SGCZ: variants seen among roughly 807,000 people sequenced by gnomAD.
SGCZ encodes the protein sarcoglycan zeta, also known as zeta-sarcoglycan.
Under a neutral mutation model 41.3 loss-of-function variants are expected in SGCZ, and 40 were observed. That is an observed-to-expected ratio of 0.97 (90% CI 0.75 to 1.26). SGCZ has a LOEUF of 1.26. Among genes scored for constraint, SGCZ ranks in the 50% most tolerant of loss-of-function variants. The pLI is 0.00. For missense variants in SGCZ, 552 were observed against 369.8 expected (o/e 1.49, Z -4.04); for synonymous variants, 206 against 137.5 (o/e 1.50, Z -3.49).
At chr8:14,243,990 T>C (rs1798985348) in intron 3 of SGCZ, among the ~76,000 whole-genome samples, 1 of 152,224 alleles carries the variant, frequency 6.6e-6, no homozygotes, top group Non-Finnish European at 1.5e-5. Context: ...ATAGTTTGTG[T>C]CACGCTTGAC....
At chr8:14,264,788 C>T (rs192865948) in intron 3 of SGCZ, among the ~76,000 whole-genome samples, 2 of 152,092 alleles carry the variant, frequency 1.3e-5, no homozygotes, top group African/African-American at 2.4e-5. Flanking sequence ...GGTGAAACCC[C>T]GTCTCTACTA....
At chr8:15,164,142 C>T (rs1384992989) in intron 1 of SGCZ, among the ~76,000 whole-genome samples, 1 of 152,192 alleles carries the variant, frequency 6.6e-6, no homozygotes, top group Non-Finnish European at 1.5e-5. Flanking sequence ...TTTTCATGGC[C>T]ATGGGACAAA....
chr8:14,388,854 A>AATGAAGC (rs1804664229), intron 2 of SGCZ, among the ~76,000 whole-genome samples: 1 of 151,964 alleles, frequency 6.6e-6, no homozygotes, highest in Non-Finnish European at 1.5e-5. Context: ...AAAAAAAGAA[A>AATGAAGC]ATGAAGCACT....
intron 4 of SGCZ, among the ~76,000 whole-genome samples, chr8:14,201,361 G>C (rs1310590264): frequency 6.6e-6 from 1 of 152,030 alleles, no homozygotes. Context: ...CACCAAAAAA[G>C]ACTGAAAAAT....
intron 3 of SGCZ, among the ~76,000 whole-genome samples, chr8:14,301,337 T>A (rs1246857693): frequency 1.3e-5 from 2 of 151,816 alleles, no homozygotes; most frequent in East Asian, 3.9e-4. Flanking sequence ...TTGGAGTTTA[T>A]AATACAATTT....
rs534903757 is a variant in SGCZ, at chr8:15,185,943, G to C, written c.39+51642C>G. Among the ~76,000 whole-genome samples the C allele has an allele frequency of 2.6e-5, 4 of 151,664 alleles. No homozygotes were observed. In the East Asian group the frequency reaches 7.8e-4, roughly 29 times the overall value. On this transcript the variant is annotated intron_variant, in intron 1 of 7. Transcript: ENST00000382080. ...AGCAGCATACAAGTTAATTTCTCTC[G>C]GCTGGGCGCGGTGGCTCACGTCTGT...
At chr8:15,215,092 T>C (rs1010345671) in intron 1 of SGCZ, among the ~76,000 whole-genome samples, 3 of 152,196 alleles carry the variant, frequency 2.0e-5, no homozygotes, top group Non-Finnish European at 4.4e-5. Flanking sequence ...CTTTAAGTAA[T>C]GATCATGTAG....
At chr8:14,632,091 T>G (rs1409592360) in intron 1 of SGCZ, among the ~76,000 whole-genome samples, 2 of 152,100 alleles carry the variant, frequency 1.3e-5, no homozygotes, top group East Asian at 3.9e-4. Context: ...CAATCACAGC[T>G]CATTGCTGCC....
chr8:14,318,922 C>A (rs1227116359), intron 3 of SGCZ, among the ~76,000 whole-genome samples: 1 of 147,822 alleles, frequency 6.8e-6, no homozygotes, highest in Admixed American at 6.8e-5. Flanking sequence ...AAGGAAAATT[C>A]TGAGATTCAC....
chr8:14,594,162 A>T (rs901582953), intron 1 of SGCZ, among the ~76,000 whole-genome samples: 1 of 150,390 alleles, frequency 6.6e-6, no homozygotes, highest in African/African-American at 2.5e-5. Flanking sequence ...GCAACAGAGC[A>T]AGACTCCATC....
In SGCZ at chr8:14,485,743, G is replaced by A. The variant is rs557661132; in HGVS notation, c.234+68989C>T. On this transcript the variant is annotated intron_variant, in intron 2 of 7. Coordinates refer to ENST00000382080, the MANE Select transcript of SGCZ (RefSeq NM_139167.4). ...GTCTATCTTTCCTCAACTCTCACTA[G>A]ACACATGCAACACAGCCAGCACTTT... Among the ~76,000 whole-genome samples the A allele has an allele frequency of 6.6e-5, 10 of 151,762 alleles. No individual in the cohort carries two copies. In the South Asian group the frequency reaches 1.5e-3, roughly 22 times the overall value.
rs1345963284 is a variant in SGCZ at position 14,284,283 on chromosome 8, C to G, written c.336+39820G>C. On this transcript the variant is annotated intron_variant, in intron 3 of 7. Coordinates refer to ENST00000382080, the MANE Select transcript of SGCZ (RefSeq NM_139167.4). ...GGTACACAGCTTTTGATCTCAGATA[C>G]TCAGGAGGCTGAGGTGGGAGGATGG... 3.9e-5 allele frequency among the ~76,000 whole-genome samples: 6 copies of G among 152,278 alleles called. No homozygotes were observed. In the East Asian group the frequency reaches 1.2e-3, roughly 29 times the overall value.
At chr8:14,385,879 TC>T (rs1200554680) in intron 2 of SGCZ, among the ~76,000 whole-genome samples, 2 of 152,152 alleles carry the variant, frequency 1.3e-5, no homozygotes, top group Non-Finnish European at 2.9e-5. Flanking sequence ...TCACAGATGT[TC>T]AATCCTTTAT....
Position 14,230,738 on chromosome 8 carries a change from T to C in SGCZ, c.424+6854A>G, listed in dbSNP as rs73530842. ...TTTAATTGAACATATATTCTTGTCT[T>C]CTTTCCTTCTTTTTTTTTTGGTGGT... On this transcript the variant is annotated intron_variant, in intron 4 of 7. Transcript: ENST00000382080. Among the ~76,000 whole-genome samples, 1,083 of 143,286 alleles carry C rather than the reference T, an allele frequency of 7.6e-3. 13 individuals are homozygous for C. The highest frequency in any genetic ancestry group is 0.026 in the African/African-American group (1,036 of 40,586). 94.0% of individuals were successfully genotyped at this position (143,286 alleles called of 152,430 possible). A position where few individuals can be genotyped will look rare whatever the true frequency, so the allele number is the denominator to read the frequency against.
chr8:14,103,112 G>C (rs1802085578), intron 6 of SGCZ, among the ~76,000 whole-genome samples: 1 of 152,048 alleles, frequency 6.6e-6, no homozygotes, highest in Non-Finnish European at 1.5e-5. Context: ...CACAGAATGA[G>C]TGACATCAGT....
chr8:14,754,251 T>C (rs1799588572), intron 1 of SGCZ, among the ~76,000 whole-genome samples: 1 of 152,178 alleles, frequency 6.6e-6, no homozygotes, highest in Non-Finnish European at 1.5e-5. Context: ...CCTCATGTTC[T>C]ACTATTTGAA....
chr8:14,650,842 A>G (rs1398804611), intron 1 of SGCZ, among the ~76,000 whole-genome samples: 2 of 152,060 alleles, frequency 1.3e-5, no homozygotes, highest in African/African-American at 4.8e-5. Context: ...GGTAAAATAG[A>G]GGGGAGTGAT....
intron 1 of SGCZ, among the ~76,000 whole-genome samples, chr8:15,197,200 G>C (rs939645466): frequency 6.6e-6 from 1 of 152,154 alleles, no homozygotes; most frequent in African/African-American, 2.4e-5. Flanking sequence ...CTTCAACCCT[G>C]TCAGGTGTCT....
chr8:14,824,836 C>T (rs1464229848), intron 1 of SGCZ, among the ~76,000 whole-genome samples: 3 of 152,072 alleles, frequency 2.0e-5, no homozygotes, highest in African/African-American at 7.2e-5. Context: ...GATCTACTCA[C>T]TCTAGGTTTG....
Sources: gnomAD v4.1 joint callset for allele counts (sites outside exome capture counted in the v4.1 genomes callset) on GRCh38, gnomAD v4.1.1 for gene constraint, MANE v1.5 for transcripts, NCBI Gene and HGNC (gene_info 2026-07-23, HGNC 2026-07-21) for gene names.